Variants in RNF150 observed in about 807,000 individuals in gnomAD.
The protein encoded by RNF150 is ring finger protein 150.
In RNF150, 24 loss-of-function variants were observed where a neutral mutation model predicts 39.3. That is an observed-to-expected ratio of 0.61 (90% CI 0.44 to 0.86). The LOEUF (loss-of-function observed/expected upper bound fraction) is 0.86, where lower values mean the gene tolerates loss of function less well. RNF150 is among the 40% of genes least tolerant of loss of function. The pLI is 0.00. For missense variants in RNF150, 502 were observed against 587.8 expected (o/e 0.85, Z 1.51); for synonymous variants, 255 against 227.3 (o/e 1.12, Z -1.10).
chr4:141,166,731 T>C (rs982158412), intron 1 of RNF150, among the ~76,000 whole-genome samples: 7 of 152,050 alleles, frequency 4.6e-5, no homozygotes, highest in Admixed American at 2.6e-4. Context: ...AGACCTTCGA[T>C]AAAATTCAAC....
chr4:140,989,842 G>C (rs1734136540), intron 1 of RNF150, among the ~76,000 whole-genome samples: 1 of 152,060 alleles, frequency 6.6e-6, no homozygotes, highest in South Asian at 2.1e-4. Context: ...AATGCTGACA[G>C]GCTGGTTCCA....
At chr4:141,201,166 C>G (rs763573749) in intron 1 of RNF150, among the ~76,000 whole-genome samples, 1 of 152,024 alleles carries the variant, frequency 6.6e-6, no homozygotes, top group Non-Finnish European at 1.5e-5. Flanking sequence ...GACGAATGTT[C>G]TGGGACCACC....
At chr4:141,033,959 A>G (rs1736047347) in intron 1 of RNF150, among the ~76,000 whole-genome samples, 2 of 152,184 alleles carry the variant, frequency 1.3e-5, no homozygotes. Flanking sequence ...ATGCTAAATG[A>G]GCACTGGCTT....
At chr4:141,004,550 T>C (rs563277705) in intron 1 of RNF150, among the ~76,000 whole-genome samples, 3 of 152,352 alleles carry the variant, frequency 2.0e-5, no homozygotes, top group African/African-American at 7.2e-5. Flanking sequence ...GAAAATGTTC[T>C]AGAAATGCAG....
rs539188383 is a variant in RNF150 at position 141,196,099 on chromosome 4, G to A, written c.-6+16695C>T. ...GTGAAGAAACCCCAAGAAACAACAG[G>A]TAAAGCTTTCCTCTTGTCTGGTTGG... On this transcript the variant is annotated intron_variant, in intron 1 of 7. Transcript: ENST00000420921. Among the ~76,000 whole-genome samples the A allele has an allele frequency of 6.6e-5, 10 of 152,240 alleles. No homozygotes were observed. In the South Asian group the frequency reaches 2.1e-3, roughly 32 times the overall value.
chr4:141,070,356 G>T (rs1737643417), intron 1 of RNF150, among the ~76,000 whole-genome samples: 1 of 150,952 alleles, frequency 6.6e-6, no homozygotes, highest in South Asian at 2.1e-4. Flanking sequence ...AAAAGCAATG[G>T]CAACAAAAGC....
At chr4:141,026,360 G>T (rs552184329) in intron 1 of RNF150, among the ~76,000 whole-genome samples, 2 of 152,246 alleles carry the variant, frequency 1.3e-5, no homozygotes, top group African/African-American at 2.4e-5. Flanking sequence ...GAACCTTCAG[G>T]CAAGGATTAA....
At chr4:141,144,117 G>T (rs1031095504) in intron 1 of RNF150, among the ~76,000 whole-genome samples, 1 of 132,204 alleles carries the variant, frequency 7.6e-6, no homozygotes, top group Non-Finnish European at 1.6e-5. Flanking sequence ...AGAAGTTGCT[G>T]GGGGAAAAAA....
chr4:141,017,409 ACT>A (rs923826834), intron 1 of RNF150, among the ~76,000 whole-genome samples: 1 of 151,678 alleles, frequency 6.6e-6, no homozygotes, highest in Non-Finnish European at 1.5e-5. Flanking sequence ...CCCCTTACAC[ACT>A]CTTCCTACTT....
chr4:140,929,441 A>G (rs976754200), intron 4 of RNF150, among the ~76,000 whole-genome samples: 1 of 130,126 alleles, frequency 7.7e-6, no homozygotes, highest in Admixed American at 1.0e-4. Context: ...ATCTCGGCTC[A>G]CTGCAAGCTC....
chr4:140,899,960 CTCTCTCTCTCTCTCTGTGTGTGTGTGTG>C (rs1289883104), intron 6 of RNF150, among the ~76,000 whole-genome samples: 1 of 116,376 alleles, frequency 8.6e-6, no homozygotes, highest in African/African-American at 3.3e-5. Context: ...CTCTCTCTCT[CTCTCTCTCTCTCTCTGTGTGTGTGTGTG>C]TGTGTGTGTG....
At chr4:140,997,416 T>G (rs2111492028) in intron 1 of RNF150, among the ~76,000 whole-genome samples, 1 of 151,938 alleles carries the variant, frequency 6.6e-6, no homozygotes. Context: ...AGGTCAGGAG[T>G]TCGAGACCAG....
chr4:141,078,954 CAT>C (rs750433127), intron 1 of RNF150, among the ~76,000 whole-genome samples: 1 of 150,310 alleles, frequency 6.7e-6, no homozygotes, highest in Non-Finnish European at 1.5e-5. Flanking sequence ...TATATATACA[CAT>C]ATATATGTTT....
intron 4 of RNF150, among the ~76,000 whole-genome samples, chr4:140,941,688 C>T (rs1317173120): frequency 6.6e-6 from 1 of 152,104 alleles, no homozygotes; most frequent in Non-Finnish European, 1.5e-5. Flanking sequence ...GAAAAGGCTA[C>T]TGCAGAAAGC....
rs569894405 is a variant in RNF150 at position 141,189,559 on chromosome 4, G to A, written c.-6+23235C>T. 4.6e-5 allele frequency among the ~76,000 whole-genome samples: 7 copies of A among 152,272 alleles called. No homozygotes were observed. In the South Asian group the frequency reaches 1.5e-3, roughly 32 times the overall value. On this transcript the variant is annotated intron_variant, in intron 1 of 7. Transcript: ENST00000420921. ...ATGAGAGTTTTATCTATAAGCCTCT[G>A]ACTGGGGCTGCTGCATTTCTTTCAG...
At chr4:141,078,769 G>A (rs1227888902) in intron 1 of RNF150, among the ~76,000 whole-genome samples, 15 of 125,882 alleles carry the variant, frequency 1.2e-4, no homozygotes, top group Admixed American at 4.4e-4. Context: ...CAGCCTGGGC[G>A]ACAGAGCGAA....
At chr4:141,023,091 C>T (rs1348788840) in intron 1 of RNF150, among the ~76,000 whole-genome samples, 1 of 152,144 alleles carries the variant, frequency 6.6e-6, no homozygotes, top group East Asian at 1.9e-4. Flanking sequence ...GTACTAAGTG[C>T]CTTCCTTTAT....
intron 3 of RNF150, 86 bp from the exon 4 acceptor site, chr4:140,947,822 C>T (rs1732381590): frequency 1.1e-6 from 1 of 880,936 alleles, no homozygotes; most frequent in Non-Finnish European, 1.7e-6. Context: ...GGAGAGCTTG[C>T]CTGGAGCAAA....
At chr4:141,072,695 G>A (rs1003975660) in intron 1 of RNF150, among the ~76,000 whole-genome samples, 9 of 152,124 alleles carry the variant, frequency 5.9e-5, no homozygotes, top group Admixed American at 5.2e-4. Context: ...ACAGGTAGAT[G>A]TGAAAAGTGC....
Sources: gnomAD v4.1 joint callset for allele counts (sites outside exome capture counted in the v4.1 genomes callset) on GRCh38, gnomAD v4.1.1 for gene constraint, MANE v1.5 for transcripts, NCBI Gene and HGNC (gene_info 2026-07-23, HGNC 2026-07-21) for gene names.